UBE2N: variants seen among roughly 807,000 people sequenced by gnomAD.
The protein encoded by UBE2N is ubiquitin conjugating enzyme E2 N.
For missense variants in UBE2N, 60 were observed against 192.1 expected (o/e 0.31, Z 4.07); for synonymous variants, 70 against 69.2 (o/e 1.01, Z -0.06).
intron 1 of UBE2N, among the ~76,000 whole-genome samples, chr12:93,439,120 CT>C (rs1169038988): frequency 2.0e-5 from 3 of 152,160 alleles, no homozygotes; most frequent in Non-Finnish European, 4.4e-5. Context: ...ATCAAGCCAC[CT>C]TATTTTAACA....
intron 1 of UBE2N, among the ~76,000 whole-genome samples, chr12:93,429,961 T>A (rs759460038): frequency 3.3e-5 from 5 of 152,196 alleles, no homozygotes; most frequent in South Asian, 4.1e-4. Flanking sequence ...AGAAACATTT[T>A]AAAAAATTTT....
intron 1 of UBE2N, among the ~76,000 whole-genome samples, chr12:93,431,120 G>A (rs940936500): frequency 2.6e-5 from 4 of 152,050 alleles, no homozygotes; most frequent in Non-Finnish European, 5.9e-5. Flanking sequence ...CCAGCTACTC[G>A]GAAGGCTGAG....
rs1877960365 is a variant in UBE2N at position 93,409,253 on chromosome 12, G to GTGAAA, written c.*785_*786insTTTCA. On this transcript the variant is annotated 3_prime_UTR_variant, in exon 4 of 4. Coordinates refer to ENST00000318066, the MANE Select transcript of UBE2N (RefSeq NM_003348.4). ...CTCTTGCCATTCAATTTGTCAGATG[G>GTGAAA]TGAAGACCAAGAAAGAATGTTCCAT... 6.5e-6 allele frequency: 1 copy of GTGAAA among 152,758 alleles called. No individual in the cohort carries two copies. The allele number at this position is 152,758 out of a possible 1,614,324, so 9.5% of individuals were successfully genotyped here.
At chr12:93,427,190 GATT>G (rs1878621978) in intron 1 of UBE2N, among the ~76,000 whole-genome samples, 1 of 152,230 alleles carries the variant, frequency 6.6e-6, no homozygotes, top group East Asian at 1.9e-4. Context: ...AAAGGGCTGG[GATT>G]ACAGGCGTGA....
chr12:93,432,815 A>C (rs909732286), intron 1 of UBE2N, among the ~76,000 whole-genome samples: 2 of 152,176 alleles, frequency 1.3e-5, no homozygotes, highest in African/African-American at 2.4e-5. Context: ...AGTATCTAAA[A>C]TTACTTTAAA....
chr12:93,422,502 C>T (rs1878447207), intron 1 of UBE2N, among the ~76,000 whole-genome samples: 1 of 152,138 alleles, frequency 6.6e-6, no homozygotes, highest in Non-Finnish European at 1.5e-5. Context: ...GCACTATTAA[C>T]AAACCTATTG....
At chr12:93,414,286 C>T (rs1055522119) in intron 1 of UBE2N, among the ~76,000 whole-genome samples, 1 of 151,638 alleles carries the variant, frequency 6.6e-6, no homozygotes, top group African/African-American at 2.4e-5. Flanking sequence ...CCCACCTCTA[C>T]TAAAAATATA....
intron 1 of UBE2N, among the ~76,000 whole-genome samples, chr12:93,430,916 C>G (rs755084540): frequency 6.7e-6 from 1 of 149,506 alleles, no homozygotes; most frequent in East Asian, 2.0e-4. Flanking sequence ...CTGGGCAACA[C>G]AGTGAGACCC....
chr12:93,441,058 G>T, intron 1 of UBE2N: 1 of 152,946 alleles, frequency 6.5e-6, no homozygotes. Context: ...AGAGGAGAGA[G>T]AAAGAGAATC....
intron 1 of UBE2N, among the ~76,000 whole-genome samples, chr12:93,413,395 T>A (rs527470727): frequency 6.6e-6 from 1 of 152,158 alleles, no homozygotes; most frequent in Non-Finnish European, 1.5e-5. Flanking sequence ...AGTGATCTCA[T>A]GTAATGCAAT....
chr12:93,413,948 G>A (rs12810300), intron 1 of UBE2N, among the ~76,000 whole-genome samples: 213 of 152,242 alleles, frequency 1.4e-3, no homozygotes, highest in African/African-American at 5.0e-3. Flanking sequence ...GATCACCTCA[G>A]GTCAGGAGTT....
chr12:93,411,243 C>T lies in UBE2N; in HGVS notation c.87G>A (p.Glu29=). The change falls in exon 2 of 4, where the codon GAG becomes GAA. Residue 29 remains glutamate, a synonymous_variant. Transcript: ENST00000318066. The stretch of plus-strand genomic sequence containing the variant: ...CCACATGAAAATAACGGGCGTTGCT[C>T]TCATCTGGTTCGGCTTTGATGCCAG... The part of the protein sequence containing the change: ...PVPGIKAEPD[E]SNARYFHVVI... 6.2e-7 allele frequency: 1 copy of T among 1,614,148 alleles called. No homozygotes were observed. The highest frequency in any genetic ancestry group is 8.5e-7 in the Non-Finnish European group (1 of 1,179,998).
intron 1 of UBE2N, among the ~76,000 whole-genome samples, chr12:93,435,526 T>C (rs1878908975): frequency 6.6e-6 from 1 of 152,134 alleles, no homozygotes; most frequent in South Asian, 2.1e-4. Flanking sequence ...CTCCAGTGGC[T>C]GAGGCAGGAG....
chr12:93,416,916 T>C (rs1211573726), intron 1 of UBE2N, among the ~76,000 whole-genome samples: 3 of 151,726 alleles, frequency 2.0e-5, no homozygotes, highest in African/African-American at 7.3e-5. Flanking sequence ...CATAGTTGTT[T>C]ACAGAAAAAC....
intron 1 of UBE2N, 52 bp downstream of exon 1, chr12:93,441,803 G>A (rs370768794): frequency 6.4e-7 from 1 of 1,572,370 alleles, no homozygotes; most frequent in Admixed American, 1.8e-5. Flanking sequence ...TGCCTGCCCA[G>A]CTGAGCCGAC....
intron 1 of UBE2N, chr12:93,429,167 G>A (rs1293289259): frequency 1.0e-5 from 3 of 295,898 alleles, no homozygotes; most frequent in Non-Finnish European, 1.9e-5. Context: ...CTACTCAGGA[G>A]GCTGAGGAAG....
chr12:93,415,933 T>A (rs1213069241), intron 1 of UBE2N, among the ~76,000 whole-genome samples: 1 of 152,214 alleles, frequency 6.6e-6, no homozygotes, highest in African/African-American at 2.4e-5. Flanking sequence ...TTTCTCATCT[T>A]CAGTTCACCC....
chr12:93,407,589 T>A lies in UBE2N; in HGVS notation c.*2450A>T, dbSNP rs1430266003. On this transcript the variant is annotated 3_prime_UTR_variant, in exon 4 of 4. Transcript: ENST00000318066. The stretch of plus-strand genomic sequence containing the variant: ...TGCTACTCAGATCCTCTCAGTTAAG[T>A]CCCGTGCACAAAGGTGGGTCAGGTC... The A allele has an allele frequency of 6.6e-6, 1 of 152,190 alleles. No homozygotes were observed. The highest frequency in any genetic ancestry group is 1.9e-4 in the East Asian group (1 of 5,196). The allele number at this position is 152,190 out of a possible 1,614,324, so 9.4% of individuals were successfully genotyped here. A position where few individuals can be genotyped will look rare whatever the true frequency, so the allele number is the denominator to read the frequency against.
At chr12:93,431,968 T>G (rs1204688492) in intron 1 of UBE2N, among the ~76,000 whole-genome samples, 1 of 152,154 alleles carries the variant, frequency 6.6e-6, no homozygotes, top group Non-Finnish European at 1.5e-5. Flanking sequence ...GCGCGGTGGC[T>G]CCTGCCTGTA....
Sources: gnomAD v4.1 joint callset for allele counts (sites outside exome capture counted in the v4.1 genomes callset) on GRCh38, gnomAD v4.1.1 for gene constraint, MANE v1.5 for transcripts, NCBI Gene and HGNC (gene_info 2026-07-23, HGNC 2026-07-21) for gene names.